IGSF10: variants seen among roughly 807,000 people sequenced by gnomAD.
IGSF10 encodes calvaria mechanical force protein 608.
A neutral mutation model predicts 128.2 loss-of-function variants in IGSF10; 126 were observed. The observed-to-expected ratio is 0.98, with a 90% CI of 0.85 to 1.14. The LOEUF is 1.14. Among genes scored for constraint, IGSF10 ranks in the 50% most tolerant of loss-of-function variants. The pLI is 0.00. For missense variants in IGSF10, 3,295 were observed against 3,149.8 expected (o/e 1.05, Z -1.10); for synonymous variants, 1,185 against 1,146.2 (o/e 1.03, Z -0.68).
At chr3:151,518,169 C>T in the IGSF10 span, among the ~76,000 whole-genome samples, 2 of 151,974 alleles carry the variant, frequency 1.3e-5, no homozygotes, top group South Asian at 4.1e-4. Context: ...GGAGTTTATA[C>T]AGACTGTAGT....
the IGSF10 span, among the ~76,000 whole-genome samples, chr3:151,472,854 G>A: frequency 6.6e-6 from 1 of 152,260 alleles, no homozygotes; most frequent in East Asian, 1.9e-4. Context: ...ATCAGAGGAA[G>A]ACTATTTTTG....
chr3:151,506,587 C>CTCT, the IGSF10 span, among the ~76,000 whole-genome samples: 8 of 151,736 alleles, frequency 5.3e-5, no homozygotes, highest in African/African-American at 1.7e-4. Context: ...TGGCCACCTT[C>CTCT]TCTTAAGTGA....
chr3:151,465,755 CA>C (rs2108590612), upstream of IGSF10, among the ~76,000 whole-genome samples: 1 of 152,144 alleles, frequency 6.6e-6, no homozygotes, highest in South Asian at 2.1e-4. Flanking sequence ...GCTGTTACAG[CA>C]AACTAAATAT....
the IGSF10 span, among the ~76,000 whole-genome samples, chr3:151,574,415 T>G: frequency 2.0e-5 from 3 of 152,182 alleles, no homozygotes; most frequent in African/African-American, 7.2e-5. Flanking sequence ...TTTGTCTATT[T>G]CTCTTTACTC....
At chr3:151,516,101 G>A in the IGSF10 span, among the ~76,000 whole-genome samples, 1 of 151,926 alleles carries the variant, frequency 6.6e-6, no homozygotes, top group Non-Finnish European at 1.5e-5. Context: ...ATCTTCTGAA[G>A]TAGACTGCCC....
At chr3:151,614,665 C>A in the IGSF10 span, among the ~76,000 whole-genome samples, 2 of 150,450 alleles carry the variant, frequency 1.3e-5, no homozygotes, top group African/African-American at 4.9e-5. Context: ...ACACCGGGGA[C>A]TGTTGTGGGG....
At chr3:151,514,266 A>C in the IGSF10 span, among the ~76,000 whole-genome samples, 3 of 152,224 alleles carry the variant, frequency 2.0e-5, no homozygotes, top group Admixed American at 6.5e-5. Context: ...ACTGGTACCA[A>C]AACAGATGTA....
intron 5 of IGSF10, among the ~76,000 whole-genome samples, chr3:151,452,912 T>A (rs1721577185): frequency 6.6e-6 from 1 of 151,860 alleles, no homozygotes; most frequent in Non-Finnish European, 1.5e-5. Flanking sequence ...AAGGAAGGGC[T>A]CCAGGCAGGG....
In IGSF10 at chr3:151,443,214, G is replaced by A; in HGVS notation, c.5733C>T (p.Asp1911=). 6.2e-7 allele frequency: 1 copy of A among 1,613,922 alleles called. No individual in the cohort carries two copies. The highest frequency in any genetic ancestry group is 8.5e-7 in the Non-Finnish European group (1 of 1,179,854). The change falls in exon 7 of 8, where the codon GAC becomes GAT. Residue 1911 remains aspartate (D), a synonymous_variant. Transcript: ENST00000282466. ...TAGCAATGCATTCATAAGTGCCCCT[G>A]TCTGAAGAGGCTAGGTTTCTTATAT... ...TLYIRNLASS[D]RGTYECIATS...
At chr3:151,524,075 G>C in the IGSF10 span, among the ~76,000 whole-genome samples, 1 of 152,102 alleles carries the variant, frequency 6.6e-6, no homozygotes, top group African/African-American at 2.4e-5. Flanking sequence ...GATTATTAGA[G>C]AAATGCAAAT....
the IGSF10 span, among the ~76,000 whole-genome samples, chr3:151,510,213 G>A: frequency 6.6e-6 from 1 of 152,208 alleles, no homozygotes; most frequent in Non-Finnish European, 1.5e-5. Context: ...AGCCTAACTG[G>A]GAGGCAACCC....
chr3:151,445,286 T>C lies in IGSF10; in HGVS notation c.4695A>G (p.Leu1565=). ...GGTTTTCTGCCCAGGGAGATGGAGT[T>C]AATTTAGAATTCTGTGATTTAACTG... The part of the protein sequence containing the change: ...LTTVKSQNSK[L]TPSPWAENQF... Residue 1565 remains leucine (L), a synonymous_variant, in exon 6 of 8, where the codon TTA becomes TTG. Coordinates refer to ENST00000282466, the MANE Select transcript of IGSF10 (RefSeq NM_178822.5). 3 of 1,614,244 alleles carry C rather than the reference T, an allele frequency of 1.9e-6. No homozygotes were observed. Among genetic ancestry groups the C allele is most frequent in the Non-Finnish European group, 2.5e-6 (3 of 1,180,034 alleles).
the IGSF10 span, among the ~76,000 whole-genome samples, chr3:151,560,658 G>A: frequency 6.6e-6 from 1 of 151,930 alleles, no homozygotes; most frequent in Non-Finnish European, 1.5e-5. Context: ...TAAGGTCTGG[G>A]ACTACTCATG....
At chr3:151,515,704 A>T in the IGSF10 span, among the ~76,000 whole-genome samples, 4 of 140,622 alleles carry the variant, frequency 2.8e-5, no homozygotes, top group Non-Finnish European at 4.6e-5. Flanking sequence ...TAATTTAAAA[A>T]ATATATAAAT....
the IGSF10 span, among the ~76,000 whole-genome samples, chr3:151,470,348 C>T: frequency 6.6e-6 from 1 of 152,210 alleles, no homozygotes; most frequent in Non-Finnish European, 1.5e-5. Flanking sequence ...GAATTTCCCT[C>T]TCAACTAAGA....
the IGSF10 span, among the ~76,000 whole-genome samples, chr3:151,545,185 G>C: frequency 6.6e-6 from 1 of 151,868 alleles, no homozygotes; most frequent in African/African-American, 2.4e-5. Context: ...TTCTGGGCTT[G>C]ATTTTCTATT....
Position 151,446,772 on chromosome 3 carries a change from T to A in IGSF10, c.3209A>T (p.Glu1070Val), listed in dbSNP as rs112126594. The A allele has an allele frequency of 6.2e-7, 1 of 1,613,970 alleles. No individual in the cohort carries two copies. The highest frequency in any genetic ancestry group is 8.5e-7 in the Non-Finnish European group (1 of 1,179,998). The change falls in exon 6 of 8, where the codon GAG becomes GTG. Residue 1070 changes from glutamate to valine, a missense_variant. Coordinates refer to ENST00000282466, the MANE Select transcript of IGSF10 (RefSeq NM_178822.5). ...TGCTGCTGTGGCAGTGGTGAGCCTCTCCCTGGGAAGACAGGACAGACATGT... is the reference window on the plus strand; with the variant it reads ...TGCTGCTGTGGCAGTGGTGAGCCTCACCCTGGGAAGACAGGACAGACATGT... ...NVTCLSCLPR[E>V]RLTTATAALS...
At chr3:151,525,969 A>G in the IGSF10 span, among the ~76,000 whole-genome samples, 1 of 152,174 alleles carries the variant, frequency 6.6e-6, no homozygotes, top group Non-Finnish European at 1.5e-5. Flanking sequence ...TTTACAGAAC[A>G]TGTACACCGG....
the IGSF10 span, among the ~76,000 whole-genome samples, chr3:151,612,030 C>A: frequency 6.6e-6 from 1 of 152,158 alleles, no homozygotes; most frequent in Non-Finnish European, 1.5e-5. Context: ...GAGAAGCCAA[C>A]AAAATGGATA....
Sources: allele counts gnomAD v4.1 joint callset (sites outside exome capture counted in the v4.1 genomes callset), GRCh38; gene constraint gnomAD v4.1.1; transcripts MANE v1.5; gene names NCBI Gene and HGNC (gene_info 2026-07-23, HGNC 2026-07-21).